The following MGAT4C variants were observed in gnomAD, a reference collection of about 807,000 sequenced individuals.
MGAT4C encodes MGAT4 family member C.
A neutral mutation model predicts 40.1 loss-of-function variants in MGAT4C; 19 were observed. The ratio of observed to expected loss-of-function variants is 0.47; its 90% CI spans 0.33 to 0.70. The LOEUF (loss-of-function observed/expected upper bound fraction) is 0.70. Ranked by LOEUF, MGAT4C falls within the 30% of genes least tolerant of loss-of-function variation. The pLI is 0.02. For missense variants in MGAT4C, 491 were observed against 563.2 expected, an observed-to-expected ratio of 0.87 and a Z score of 1.30; for synonymous variants, 181 against 187.1, an observed-to-expected ratio of 0.97 and a Z score of 0.27.
At chr12:86,437,534 TATTCTC>T (rs1335563881) in intron 2 of MGAT4C, among the ~76,000 whole-genome samples, 2 of 152,060 alleles carry the variant, frequency 1.3e-5, no homozygotes, top group South Asian at 2.1e-4. Flanking sequence ...TTGTTCTAGT[TATTCTC>T]AGTCTCTTTA....
intron 3 of MGAT4C, among the ~76,000 whole-genome samples, chr12:86,385,011 G>GT (rs1341688611): frequency 3.9e-5 from 6 of 152,102 alleles, no homozygotes; most frequent in Admixed American, 2.6e-4. Flanking sequence ...TCAAATAGCA[G>GT]TTTTTCCCCT....
At chr12:86,559,290 C>T (rs1186388495) in intron 2 of MGAT4C, among the ~76,000 whole-genome samples, 1 of 151,848 alleles carries the variant, frequency 6.6e-6, no homozygotes, top group Non-Finnish European at 1.5e-5. Context: ...GAAACATCAG[C>T]TTTAAACTGC....
intron 2 of MGAT4C, among the ~76,000 whole-genome samples, chr12:86,548,757 TA>T (rs1959222815): frequency 6.6e-6 from 1 of 152,212 alleles, no homozygotes; most frequent in Non-Finnish European, 1.5e-5. Flanking sequence ...TCTTTATCTG[TA>T]AAATGTAATA....
intron 3 of MGAT4C, among the ~76,000 whole-genome samples, chr12:86,422,539 G>A (rs1956847707): frequency 6.6e-6 from 1 of 152,116 alleles, no homozygotes; most frequent in Non-Finnish European, 1.5e-5. Context: ...AGAATGTGCT[G>A]TAGACTAAAT....
At chr12:86,801,696 A>G (rs547527554) in intron 1 of MGAT4C, among the ~76,000 whole-genome samples, 19 of 151,876 alleles carry the variant, frequency 1.3e-4, no homozygotes, top group Admixed American at 9.2e-4. Flanking sequence ...ATTTCCAGGT[A>G]TTACATTGGT....
chr12:86,355,115 T>C lies in MGAT4C; in HGVS notation c.-119-20988A>G, dbSNP rs146053937. 1.3e-3 allele frequency among the ~76,000 whole-genome samples: 191 copies of C among 152,236 alleles called. 3 individuals are homozygous for C. The East Asian group carries it at 0.03, about 24-fold the overall frequency. The stretch of plus-strand genomic sequence containing the variant: ...TGCGTTTTTACAGAGCACTGATTGG[T>C]GCATTTTACAAACCTCTAGCTAGCC... On this transcript the variant is annotated intron_variant, in intron 3 of 7. Coordinates refer to the MGAT4C transcript ENST00000548651.
intron 2 of MGAT4C, among the ~76,000 whole-genome samples, chr12:86,570,744 T>C (rs1456540282): frequency 6.6e-6 from 1 of 152,162 alleles, no homozygotes; most frequent in Non-Finnish European, 1.5e-5. Flanking sequence ...TATTAATTCA[T>C]ATACAACTAC....
chr12:86,472,086 G>C (rs1957765420), intron 2 of MGAT4C, among the ~76,000 whole-genome samples: 1 of 152,090 alleles, frequency 6.6e-6, no homozygotes, highest in South Asian at 2.1e-4. Context: ...TCTTCGTAAA[G>C]TTAAGTTAAT....
At chr12:85,992,555 T>A (rs1886079030) in intron 2 of MGAT4C, among the ~76,000 whole-genome samples, 1 of 152,252 alleles carries the variant, frequency 6.6e-6, no homozygotes. Context: ...AAAGATGTTG[T>A]TGCAAACTAG....
intron 2 of MGAT4C, among the ~76,000 whole-genome samples, chr12:86,523,166 T>C (rs944545606): frequency 1.3e-5 from 2 of 152,094 alleles, no homozygotes; most frequent in Non-Finnish European, 2.9e-5. Flanking sequence ...TTGTGCTTTG[T>C]GTTGTGTGTG....
At chr12:86,488,426 CAA>C (rs55960243) in intron 2 of MGAT4C, among the ~76,000 whole-genome samples, 2 of 107,864 alleles carry the variant, frequency 1.9e-5, no homozygotes. Context: ...GACCCTGTCT[CAA>C]AAAAAAAAAA....
chr12:86,677,520 T>C (rs1307809193), intron 2 of MGAT4C, among the ~76,000 whole-genome samples: 1 of 152,146 alleles, frequency 6.6e-6, no homozygotes, highest in Non-Finnish European at 1.5e-5. Context: ...TTAAACATCA[T>C]TGATAATGTA....
intron 2 of MGAT4C, chr12:86,001,715 C>T: frequency 5.0e-6 from 4 of 792,346 alleles, no homozygotes; most frequent in Non-Finnish European, 6.1e-6. Context: ...AATTGTAAAT[C>T]TTACTTCCTG....
At chr12:86,108,464 C>A (rs1466757250) in intron 1 of MGAT4C, among the ~76,000 whole-genome samples, 1 of 151,906 alleles carries the variant, frequency 6.6e-6, no homozygotes, top group Non-Finnish European at 1.5e-5. Context: ...TCAAAATAAA[C>A]AGTATTAAAA....
chr12:86,568,321 T>G (rs1257395667), intron 2 of MGAT4C, among the ~76,000 whole-genome samples: 1 of 152,088 alleles, frequency 6.6e-6, no homozygotes, highest in Non-Finnish European at 1.5e-5. Flanking sequence ...CTATACTGGA[T>G]GCTTCTGCCC....
intron 3 of MGAT4C, among the ~76,000 whole-genome samples, chr12:86,358,284 T>A (rs990513409): frequency 2.0e-4 from 31 of 152,048 alleles, no homozygotes; most frequent in African/African-American, 7.5e-4. Context: ...AATATTGAGA[T>A]TTTGTCACCA....
intron 2 of MGAT4C, among the ~76,000 whole-genome samples, chr12:86,497,893 A>AATATATATATATAT (rs71078904): frequency 2.2e-5 from 3 of 133,892 alleles, no homozygotes; most frequent in Non-Finnish European, 3.2e-5. Flanking sequence ...GAAATTCCTA[A>AATATATATATATAT]ATATATATAT....
chr12:86,719,242 A>G (rs1950699805), intron 2 of MGAT4C, among the ~76,000 whole-genome samples: 1 of 152,138 alleles, frequency 6.6e-6, no homozygotes, highest in Non-Finnish European at 1.5e-5. Context: ...AATGTCTCAT[A>G]TATTGTAATA....
intron 4 of MGAT4C, among the ~76,000 whole-genome samples, chr12:86,317,486 T>A (rs1162598160): frequency 6.6e-6 from 1 of 152,124 alleles, no homozygotes; most frequent in Non-Finnish European, 1.5e-5. Flanking sequence ...TGTTGAGACA[T>A]TTATATGTGT....
Sources: gnomAD v4.1 joint callset for allele counts (sites outside exome capture counted in the v4.1 genomes callset) on GRCh38, gnomAD v4.1.1 for gene constraint, MANE v1.5 for transcripts, NCBI Gene and HGNC (gene_info 2026-07-23, HGNC 2026-07-21) for gene names.